KIF16B: variants seen among roughly 807,000 people sequenced by gnomAD.
KIF16B encodes kinesin family member 16B, also known as kinesin-like protein KIF16B.
A neutral mutation model predicts 156.3 loss-of-function variants in KIF16B; 98 were observed. The observed-to-expected ratio is 0.63, with a 90% CI of 0.53 to 0.74. The LOEUF (loss-of-function observed/expected upper bound fraction) is 0.74. KIF16B is among the 30% of genes least tolerant of loss of function. The probability of loss-of-function intolerance (pLI) is 0.00; values close to 1 mark genes in which losing one functional copy is unlikely to be tolerated. For missense variants in KIF16B, 1,421 were observed against 1,606.5 expected, an observed-to-expected ratio of 0.88 and a Z score of 1.97; for synonymous variants, 564 against 583.7, an observed-to-expected ratio of 0.97 and a Z score of 0.49.
At position 16,384,908 on chromosome 20, in the gene KIF16B, C is replaced by T. The variant is rs575977835; in HGVS notation, c.1785-3161G>A. ...GTGCTCAATTTTTAAAAAGTAGGTG[C>T]TCAGTTGGCCAGGCACGGTGGCTCA... is the stretch of plus-strand genomic sequence containing the variant. On this transcript the variant is annotated intron_variant, in intron 17 of 25. Coordinates refer to ENST00000354981, the MANE Select transcript of KIF16B (RefSeq NM_024704.5). 3.3e-5 allele frequency among the ~76,000 whole-genome samples: 5 copies of T among 152,162 alleles called. No homozygotes were observed. In the South Asian group the frequency reaches 1.0e-3, roughly 32 times the overall value.
At chr20:16,431,326 G>A (rs2066492845) in intron 12 of KIF16B, among the ~76,000 whole-genome samples, 1 of 152,176 alleles carries the variant, frequency 6.6e-6, no homozygotes, top group Non-Finnish European at 1.5e-5. Context: ...TGAGACAAAA[G>A]CCAAAGTCTT....
Position 16,380,124 on chromosome 20 carries a change from G to A in KIF16B, c.1878C>T (p.Asp626=). The A allele has an allele frequency of 6.6e-7, 1 of 1,515,220 alleles. No homozygotes were observed. 93.9% of individuals were successfully genotyped at this position (1,515,220 alleles called of 1,614,324 possible). The change falls in exon 19 of 26, where the codon GAC becomes GAT. Residue 626 remains aspartate, a synonymous_variant. Coordinates refer to ENST00000354981, the MANE Select transcript of KIF16B (RefSeq NM_024704.5). ...IEEMEEKQKS[D]KAELERMQQE... Reference sequence around the variant, plus strand: ...GCTGCATCCGCTCCAGTTCAGCCTTGTCTGATTTCTGCTTTTCCTCCATTT... The same window carrying A: ...GCTGCATCCGCTCCAGTTCAGCCTTATCTGATTTCTGCTTTTCCTCCATTT...
intron 15 of KIF16B, among the ~76,000 whole-genome samples, chr20:16,411,556 A>T (rs1172948067): frequency 7.2e-5 from 11 of 151,998 alleles, no homozygotes; most frequent in South Asian, 6.2e-4. Flanking sequence ...CATTATCTTT[A>T]CAGCACAGAG....
chr20:16,344,301 T>A (rs1338791307), intron 23 of KIF16B, among the ~76,000 whole-genome samples: 1 of 152,156 alleles, frequency 6.6e-6, no homozygotes, highest in African/African-American at 2.4e-5. Context: ...CACATCAATA[T>A]CCCAGAGAGA....
At chr20:16,549,019 T>TC (rs899351567) in intron 1 of KIF16B, among the ~76,000 whole-genome samples, 14 of 132,498 alleles carry the variant, frequency 1.1e-4, no homozygotes, top group Admixed American at 5.2e-4. Context: ...CGGTTTTTTT[T>TC]TTTTATGTTT....
chr20:16,412,350 T>C (rs374291084), intron 15 of KIF16B, among the ~76,000 whole-genome samples: 2 of 151,960 alleles, frequency 1.3e-5, no homozygotes, highest in Non-Finnish European at 2.9e-5. Flanking sequence ...GAAATGCAGA[T>C]GTACTGGGCA....
intron 17 of KIF16B, among the ~76,000 whole-genome samples, chr20:16,383,611 T>A (rs2065157636): frequency 6.6e-6 from 1 of 152,250 alleles, no homozygotes; most frequent in South Asian, 2.1e-4. Flanking sequence ...TAAAATATGA[T>A]CATTTCTTTT....
chr20:16,362,309 T>C (rs1349974538), intron 22 of KIF16B, among the ~76,000 whole-genome samples: 1 of 150,498 alleles, frequency 6.6e-6, no homozygotes, highest in Non-Finnish European at 1.5e-5. Flanking sequence ...CAAACTTATG[T>C]GCATCAAATT....
chr20:16,279,388 C>A (rs745625874), intron 25 of KIF16B, among the ~76,000 whole-genome samples: 4 of 152,248 alleles, frequency 2.6e-5, no homozygotes, highest in Non-Finnish European at 5.9e-5. Context: ...GAAAGCTGGG[C>A]AGTTTCAGGA....
chr20:16,334,502 C>T (rs2064001292), intron 24 of KIF16B, among the ~76,000 whole-genome samples: 1 of 152,144 alleles, frequency 6.6e-6, no homozygotes, highest in South Asian at 2.1e-4. Context: ...TAATAAAAGA[C>T]TAGAGAGTGT....
intron 12 of KIF16B, among the ~76,000 whole-genome samples, chr20:16,452,412 A>C (rs1256354715): frequency 3.3e-5 from 5 of 152,100 alleles, no homozygotes; most frequent in Admixed American, 2.0e-4. Flanking sequence ...GAAAAAAAAA[A>C]AAAACTATTG....
intron 24 of KIF16B, among the ~76,000 whole-genome samples, chr20:16,334,598 C>T (rs1401500859): frequency 2.0e-5 from 3 of 152,166 alleles, no homozygotes; most frequent in South Asian, 2.1e-4. Flanking sequence ...AAATATGATC[C>T]CCAATGTTGG....
At chr20:16,470,615 C>T (rs987119459) in intron 12 of KIF16B, among the ~76,000 whole-genome samples, 7 of 151,888 alleles carry the variant, frequency 4.6e-5, no homozygotes, top group African/African-American at 1.7e-4. Context: ...TCCTGAGCAG[C>T]TGGAACTACA....
intron 24 of KIF16B, among the ~76,000 whole-genome samples, chr20:16,317,466 T>C (rs1011006046): frequency 1.3e-5 from 2 of 151,932 alleles, no homozygotes; most frequent in Non-Finnish European, 2.9e-5. Flanking sequence ...TTTCTTTCTG[T>C]AAGATTTCAT....
intron 25 of KIF16B, among the ~76,000 whole-genome samples, chr20:16,304,497 C>T (rs1601531910): frequency 6.6e-6 from 1 of 152,156 alleles, no homozygotes; most frequent in Non-Finnish European, 1.5e-5. Flanking sequence ...AAATGCTTTG[C>T]TGCTGATGAT....
At chr20:16,514,638 C>T (rs2069077516) in intron 4 of KIF16B, among the ~76,000 whole-genome samples, 1 of 147,994 alleles carries the variant, frequency 6.8e-6, no homozygotes, top group Admixed American at 6.7e-5. Flanking sequence ...CGCCTGTAAT[C>T]CCAGCACTTT....
chr20:16,290,336 A>G (rs2063296247), intron 25 of KIF16B, among the ~76,000 whole-genome samples: 2 of 152,230 alleles, frequency 1.3e-5, no homozygotes, highest in Admixed American at 1.3e-4. Flanking sequence ...GAGAACACTC[A>G]ATGACTCTAT....
chr20:16,420,778 A>G (rs1333796411), intron 15 of KIF16B, among the ~76,000 whole-genome samples: 5 of 152,084 alleles, frequency 3.3e-5, no homozygotes, highest in Non-Finnish European at 7.4e-5. Context: ...CCAAGACACA[A>G]TGAGTCAGGA....
rs533449514 is a variant in KIF16B at position 16,569,438 on chromosome 20, G to A, written c.47+3791C>T. ...TTGCCTACGTAACAGAATCACTTCC[G>A]CATTTGAAATGAGTATTACTGCCAC... is the stretch of plus-strand genomic sequence containing the variant. On this transcript the variant is annotated intron_variant, in intron 1 of 25. Transcript: ENST00000354981. 4.6e-5 allele frequency among the ~76,000 whole-genome samples: 7 copies of A among 152,268 alleles called. No homozygotes were observed. The South Asian group carries it at 6.2e-4, about 14-fold the overall frequency.
Sources: allele counts gnomAD v4.1 joint callset (sites outside exome capture counted in the v4.1 genomes callset), GRCh38; gene constraint gnomAD v4.1.1; transcripts MANE v1.5; gene names NCBI Gene and HGNC (gene_info 2026-07-23, HGNC 2026-07-21).